The following EYA2 variants were observed in gnomAD, a reference collection of about 807,000 sequenced individuals.
EYA2 encodes protein phosphatase EYA2.
Under a neutral mutation model 69.2 loss-of-function variants are expected in EYA2, and 31 were observed. That is an observed-to-expected ratio of 0.45 (90% confidence interval 0.34 to 0.60). The LOEUF (loss-of-function observed/expected upper bound fraction) is 0.60, where lower values mean the gene tolerates loss of function less well. EYA2 is among the 20% of genes least tolerant of loss of function. The probability of loss-of-function intolerance (pLI) is 0.02; values close to 1 mark genes in which losing one functional copy is unlikely to be tolerated. For missense variants in EYA2, 622 were observed against 701.2 expected, an observed-to-expected ratio of 0.89 and a Z score of 1.28; for synonymous variants, 257 against 279.4, an observed-to-expected ratio of 0.92 and a Z score of 0.80.
intron 10 of EYA2, among the ~76,000 whole-genome samples, chr20:47,148,697 G>A (rs1011231439): frequency 6.6e-6 from 1 of 152,110 alleles, no homozygotes; most frequent in Non-Finnish European, 1.5e-5. Flanking sequence ...TACTTTGCAG[G>A]GCAGGTGAAC....
chr20:47,052,395 C>T (rs933798016), intron 5 of EYA2, among the ~76,000 whole-genome samples: 8 of 152,148 alleles, frequency 5.3e-5, no homozygotes, highest in Non-Finnish European at 1.0e-4. Context: ...GTCCTGGCAG[C>T]ATCAGCATCA....
intron 1 of EYA2, among the ~76,000 whole-genome samples, chr20:46,929,735 G>A (rs1313768439): frequency 2.6e-5 from 4 of 151,932 alleles, no homozygotes; most frequent in African/African-American, 7.3e-5. Context: ...GGCTGGGTGC[G>A]GTGGCTCACA....
chr20:46,988,754 G>A (rs1327786870), intron 1 of EYA2, among the ~76,000 whole-genome samples: 2 of 152,162 alleles, frequency 1.3e-5, no homozygotes, highest in African/African-American at 4.8e-5. Context: ...GAGGCTGGAA[G>A]GCAGTGGCAC....
At chr20:47,018,424 A>C (rs1983540889) in intron 5 of EYA2, among the ~76,000 whole-genome samples, 1 of 152,252 alleles carries the variant, frequency 6.6e-6, no homozygotes, top group Non-Finnish European at 1.5e-5. Context: ...GACAGTAATC[A>C]ATTGACAAGT....
At chr20:47,074,915 C>A (rs373287044) in intron 7 of EYA2, among the ~76,000 whole-genome samples, 26 of 152,272 alleles carry the variant, frequency 1.7e-4, no homozygotes, top group African/African-American at 6.3e-4. Flanking sequence ...AGTTCGAGAC[C>A]AGCCTGGCCA....
intron 5 of EYA2, among the ~76,000 whole-genome samples, chr20:47,027,579 A>G (rs1442396905): frequency 6.6e-6 from 1 of 152,196 alleles, no homozygotes; most frequent in Non-Finnish European, 1.5e-5. Context: ...TCCTCTAGTT[A>G]CATAACAAGT....
In EYA2 at chr20:47,137,669, T is replaced by G. The variant is rs114936501; in HGVS notation, c.889-5390T>G. Reference sequence around the variant, plus strand: ...TTCAGCAGGCAGCCCAGGATGAAACTGATGGCTTTTGTCTTGTCCTCACTC... The same window carrying G: ...TTCAGCAGGCAGCCCAGGATGAAACGGATGGCTTTTGTCTTGTCCTCACTC... On this transcript the variant is annotated intron_variant, in intron 9 of 15. Coordinates refer to ENST00000327619, the MANE Select transcript of EYA2 (RefSeq NM_005244.5). Among the ~76,000 whole-genome samples the G allele has an allele frequency of 4.4e-3, 664 of 152,346 alleles. 9 individuals carry two copies. The highest frequency in any genetic ancestry group is 0.015 in the African/African-American group (632 of 41,584).
chr20:47,132,659 A>G (rs748201261), intron 9 of EYA2, among the ~76,000 whole-genome samples: 1 of 152,206 alleles, frequency 6.6e-6, no homozygotes, highest in Non-Finnish European at 1.5e-5. Flanking sequence ...GCTCTCAACC[A>G]CTTTGCTTCA....
chr20:47,046,258 C>T (rs913821616), intron 5 of EYA2, among the ~76,000 whole-genome samples: 2 of 152,194 alleles, frequency 1.3e-5, no homozygotes, highest in African/African-American at 4.8e-5. Flanking sequence ...ACCAAATCAC[C>T]TCCCAAAGGT....
chr20:47,160,107 C>T (rs2034034378), intron 10 of EYA2, among the ~76,000 whole-genome samples: 1 of 152,068 alleles, frequency 6.6e-6, no homozygotes, highest in Non-Finnish European at 1.5e-5. Flanking sequence ...AGGAGCGGGA[C>T]GTGATCTGAC....
intron 1 of EYA2, among the ~76,000 whole-genome samples, chr20:46,944,096 C>G (rs961785512): frequency 2.0e-5 from 3 of 152,194 alleles, no homozygotes; most frequent in Admixed American, 2.0e-4. Flanking sequence ...CCTCCCTGCT[C>G]TGCTCCCCCT....
At chr20:46,944,605 A>G (rs1978348002) in intron 1 of EYA2, among the ~76,000 whole-genome samples, 1 of 152,152 alleles carries the variant, frequency 6.6e-6, no homozygotes, top group Non-Finnish European at 1.5e-5. Flanking sequence ...AGTGTTGTTG[A>G]GAGGATTCAA....
At chr20:47,156,087 C>T (rs1361041584) in intron 10 of EYA2, among the ~76,000 whole-genome samples, 2 of 37,896 alleles carry the variant, frequency 5.3e-5, no homozygotes, top group South Asian at 8.5e-4. Flanking sequence ...CATATATATA[C>T]ATACACACAC....
At chr20:47,118,253 T>C (rs980212301) in intron 9 of EYA2, among the ~76,000 whole-genome samples, 2 of 152,230 alleles carry the variant, frequency 1.3e-5, no homozygotes, top group African/African-American at 2.4e-5. Context: ...CCCTCTCTCT[T>C]TTCAGCTGAG....
chr20:47,118,059 C>A (rs751146616), intron 9 of EYA2, among the ~76,000 whole-genome samples: 1 of 152,174 alleles, frequency 6.6e-6, no homozygotes, highest in Non-Finnish European at 1.5e-5. Context: ...GAAGCCCTGC[C>A]CAAGGAAAAC....
Position 47,007,192 on chromosome 20 carries a change from A to C in EYA2, c.298+2108A>C, listed in dbSNP as rs143179873. Among the ~76,000 whole-genome samples, 789 of 152,368 alleles carry C rather than the reference A, an allele frequency of 5.2e-3. 3 individuals are homozygous for C. The highest frequency in any genetic ancestry group is 0.01 in the Middle Eastern group (3 of 294). On this transcript the variant is annotated intron_variant, in intron 4 of 15. Transcript: ENST00000327619. ...AGTGATCTACTGCCTTGGCCTCCCA[A>C]GGAGCTGAGACTACAAGCGGGAGCC...
chr20:47,134,045 T>C (rs866646202), intron 9 of EYA2, among the ~76,000 whole-genome samples: 12 of 152,254 alleles, frequency 7.9e-5, no homozygotes, highest in Non-Finnish European at 1.5e-5. Context: ...TCTTAAGGAA[T>C]GTGCAGGGTT....
At chr20:47,077,279 A>G (rs542084211) in intron 7 of EYA2, among the ~76,000 whole-genome samples, 3 of 152,340 alleles carry the variant, frequency 2.0e-5, no homozygotes, top group South Asian at 4.1e-4. Flanking sequence ...TAACATCCCT[A>G]TGCAACTAAT....
intron 10 of EYA2, among the ~76,000 whole-genome samples, chr20:47,164,753 A>T (rs2034146174): frequency 6.6e-6 from 1 of 152,152 alleles, no homozygotes; most frequent in Non-Finnish European, 1.5e-5. Flanking sequence ...TGGCTGAAGG[A>T]GGTAGCTGAA....
Sources: allele counts gnomAD v4.1 joint callset (sites outside exome capture counted in the v4.1 genomes callset), GRCh38; gene constraint gnomAD v4.1.1; transcripts MANE v1.5; gene names NCBI Gene and HGNC (gene_info 2026-07-23, HGNC 2026-07-21).